The following CNTNAP1 variants were observed in gnomAD, a reference collection of about 807,000 sequenced individuals.
CNTNAP1 encodes the protein contactin-associated protein 1.
A neutral mutation model predicts 161.5 loss-of-function variants in CNTNAP1; 80 were observed. The observed-to-expected ratio is 0.50, with a 90% CI of 0.41 to 0.60. The LOEUF (loss-of-function observed/expected upper bound fraction) is 0.60, where lower values mean the gene tolerates loss of function less well. CNTNAP1 is among the 20% of genes least tolerant of loss of function. The pLI is 0.00. For missense variants in CNTNAP1, 1,464 were observed against 1,854.8 expected (o/e 0.79, Z 3.87); for synonymous variants, 695 against 733.1 (o/e 0.95, Z 0.84).
chr17:42,699,113 T>G lies in CNTNAP1; in HGVS notation c.*203T>G. On this transcript the variant is annotated 3_prime_UTR_variant, in exon 24 of 24. Transcript: ENST00000264638. ...GGCCGAGCCTCACTGCCTAAACCAA[T>G]GCCCTTCTCATCCCTGTTTCCCCAG... 6.8e-6 allele frequency: 3 copies of G among 443,864 alleles called. No homozygotes were observed. The highest frequency in any genetic ancestry group is 1.2e-5 in the Non-Finnish European group (3 of 253,054). The allele number at this position is 443,864 out of a possible 1,614,324, so 27.5% of individuals were successfully genotyped here. A position where few individuals can be genotyped will look rare whatever the true frequency, so the allele number is the denominator to read the frequency against.
chr17:42,696,218 A>G, intron 20 of CNTNAP1, 66 bp downstream of exon 20: 2 of 1,579,922 alleles, frequency 1.3e-6, no homozygotes, highest in Non-Finnish European at 1.7e-6. Flanking sequence ...GGCATCCAGG[A>G]AAACATCAAA....
chr17:42,692,687 A>G lies in CNTNAP1; in HGVS notation c.2719A>G (p.Ile907Val). The G allele has an allele frequency of 6.2e-7, 1 of 1,613,944 alleles. No individual in the cohort carries two copies. Among genetic ancestry groups the G allele is most frequent in the Non-Finnish European group, 8.5e-7 (1 of 1,179,894 alleles). The stretch of plus-strand genomic sequence containing the variant: ...GCGGCCTATGCCACTGCAGACCTAC[A>G]TCTGGATGGAGTATGACCAGCCCCT... ...VLRPMPLQTYIWMEYDQPLYV... is the reference protein window; with the variant it reads ...VLRPMPLQTYVWMEYDQPLYV... Residue 907 changes from isoleucine to valine, a missense_variant, in exon 17 of 24, where the codon ATC becomes GTC. Ile to Val is a conservative substitution (Grantham distance 29, BLOSUM62 3). Around this residue, in one of 3 missense-constraint regions of CNTNAP1, gnomAD observed 1,383 missense variants for 1,765.0 expected, o/e 0.78. Coordinates refer to ENST00000264638, the MANE Select transcript of CNTNAP1 (RefSeq NM_003632.3).
chr17:42,696,788 C>T (rs1319105646), intron 20 of CNTNAP1, among the ~76,000 whole-genome samples: 1 of 152,008 alleles, frequency 6.6e-6, no homozygotes, highest in Non-Finnish European at 1.5e-5. Flanking sequence ...GCCTAGGCGA[C>T]AGAGTGAGAC....
Position 42,697,727 on chromosome 17 carries a change from T to C in CNTNAP1, c.3742T>C (p.Ser1248Pro). The change falls in exon 22 of 24, where the codon TCT (serine) becomes CCT (proline). Residue 1248 changes from serine to proline, a missense_variant. Ser to Pro is a moderately conservative substitution (Grantham distance 74). This residue lies in a region of CNTNAP1 where 1,383 missense variants were observed against 1,765.0 expected (regional missense o/e 0.78). Coordinates refer to ENST00000264638, the MANE Select transcript of CNTNAP1 (RefSeq NM_003632.3). ...ALRVQGELSE[S>P]NCGAMPRLVS... Reference sequence around the variant, plus strand: ...TCGAGTTCAGGGAGAACTGTCCGAATCTAATTGCGGAGCTATGCCACGTCT... The same window carrying C: ...TCGAGTTCAGGGAGAACTGTCCGAACCTAATTGCGGAGCTATGCCACGTCT... The C allele has an allele frequency of 1.2e-6, 2 of 1,614,094 alleles. No homozygotes were observed. Among genetic ancestry groups the C allele is most frequent in the Non-Finnish European group, 1.7e-6 (2 of 1,180,020 alleles).
chr17:42,689,689 G>A (rs1310180467), intron 11 of CNTNAP1, 62 bp downstream of exon 11: 5 of 1,367,068 alleles, frequency 3.7e-6, no homozygotes, highest in Admixed American at 1.7e-5. Context: ...GGTTGCTGGG[G>A]ATCATCAGGC....
intron 8 of CNTNAP1, 50 bp from the exon 9 acceptor site, chr17:42,688,412 A>G (rs774339395): frequency 1.2e-5 from 19 of 1,612,952 alleles, no homozygotes. Context: ...ACATTCTTCT[A>G]CCCTAGTTGC....
Position 42,698,674 on chromosome 17 carries a change from CA to C in CNTNAP1, c.3923del (p.Asn1308IlefsTer171). 1 of 1,610,800 alleles carries C rather than the reference CA, an allele frequency of 6.2e-7. No individual in the cohort carries two copies. Among genetic ancestry groups the C allele is most frequent in the Non-Finnish European group, 8.5e-7 (1 of 1,177,736 alleles). ...LVGMLVLFYLQNHRYKGSYHT... is the reference protein window; with the variant it reads ...LVGMLVLFYLXNHRYKGSYHT... ...GGGAATGTTGGTGCTCTTCTATCTG[CA>C]AAATCATCGCTATAAGGGCTCCTAC... On this transcript the variant is annotated frameshift_variant, in exon 24 of 24. Transcript: ENST00000264638. LOFTEE classifies it high-confidence loss of function.
chr17:42,697,586 T>A lies in CNTNAP1; in HGVS notation c.3601T>A (p.Tyr1201Asn). The change falls in exon 22 of 24, where the codon TAC becomes AAC. Residue 1201 changes from tyrosine (Y) to asparagine (N), a missense_variant. Coordinates refer to ENST00000264638, the MANE Select transcript of CNTNAP1 (RefSeq NM_003632.3). ...AGTCATTGACCCGGAGATCCAGCGC[T>A]ACAACACCCCAGGTTTCTCAGGCTG... ...TGVIDPEIQR[Y>N]NTPGFSGCLS... 1.2e-6 allele frequency: 2 copies of A among 1,614,070 alleles called. No individual in the cohort carries two copies. Among genetic ancestry groups the A allele is most frequent in the Non-Finnish European group, 1.7e-6 (2 of 1,180,014 alleles).
In CNTNAP1 at chr17:42,692,665, G is replaced by A. The variant is rs763786374; in HGVS notation, c.2697G>A (p.Arg899=). The change falls in exon 17 of 24, where the codon CGG becomes CGA. Residue 899 remains arginine (R), a synonymous_variant. Transcript: ENST00000264638. The part of the protein sequence containing the change: ...LRVDHRPWVL[R]PMPLQTYIWM... Reference sequence around the variant, plus strand: ...TGGATCACCGGCCCTGGGTTCTGCGGCCTATGCCACTGCAGACCTACATCT... The same window carrying A: ...TGGATCACCGGCCCTGGGTTCTGCGACCTATGCCACTGCAGACCTACATCT... The A allele has an allele frequency of 1.2e-6, 2 of 1,614,184 alleles. No individual in the cohort carries two copies. Among genetic ancestry groups the A allele is most frequent in the Non-Finnish European group, 1.7e-6 (2 of 1,180,032 alleles).
In CNTNAP1 at chr17:42,687,116, AAG is replaced by A; in HGVS notation, c.1044+74_1044+75del. ...GTGGAAAGCAAAGAGGTGGAGCGGG[AAG>A]AGATATTGAACATCAGATAAAAGCG... On this transcript the variant is annotated intron_variant, in intron 7 of 23. Transcript: ENST00000264638. The surrounding 1 kb of genome is among the most constrained non-coding windows in gnomAD (Gnocchi z 4.7). 6.4e-7 allele frequency: 1 copy of A among 1,562,760 alleles called. No individual in the cohort carries two copies. The highest frequency in any genetic ancestry group is 8.7e-7 in the Non-Finnish European group (1 of 1,146,280).
Position 42,691,735 on chromosome 17 carries a change from C to CA in CNTNAP1, c.2345-69dup. Reference sequence around the variant, plus strand: ...CCCTTTGCCCAACCTTCCCTGCCCCCAACCCCAGGTTCTCTTCCTCCTCCA... The same window carrying CA: ...CCCTTTGCCCAACCTTCCCTGCCCCCAAACCCCAGGTTCTCTTCCTCCTCCA... On this transcript the variant is annotated intron_variant, in intron 15 of 23. Coordinates refer to ENST00000264638, the MANE Select transcript of CNTNAP1 (RefSeq NM_003632.3). The surrounding 1 kb of genome is among the most constrained non-coding windows in gnomAD (Gnocchi z 4.3). 1 of 1,536,618 alleles carries CA rather than the reference C, an allele frequency of 6.5e-7. No homozygotes were observed. Among genetic ancestry groups the CA allele is most frequent in the East Asian group, 2.3e-5 (1 of 44,312 alleles).
intron 18 of CNTNAP1, among the ~76,000 whole-genome samples, chr17:42,694,731 AAAACATG>A (rs1276486334): frequency 2.0e-5 from 3 of 152,146 alleles, no homozygotes; most frequent in Non-Finnish European, 2.9e-5. Context: ...CTGCATTCCT[AAAACATG>A]TCAATGACCC....
At chr17:42,686,408 T>G (rs2053009094) in intron 6 of CNTNAP1, among the ~76,000 whole-genome samples, 1 of 151,234 alleles carries the variant, frequency 6.6e-6, no homozygotes, top group South Asian at 2.1e-4. Flanking sequence ...AGACCTCGCA[T>G]TCCAATTCCT....
At position 42,687,064 on chromosome 17, in the gene CNTNAP1, T is replaced by A. The variant is rs1469280865; in HGVS notation, c.1044+18T>A. On this transcript the variant is annotated intron_variant, in intron 7 of 23. Transcript: ENST00000264638. This position sits in a 1 kb window ranked among gnomAD's most constrained non-coding sequence, Gnocchi z 4.7. ...CCTTCGAGGCCAGTGGGCAGGGGGG[T>A]CTGGGAGGACAGGATATCAAAGCGT... 2.5e-6 allele frequency: 4 copies of A among 1,602,250 alleles called. No homozygotes were observed. The highest frequency in any genetic ancestry group is 3.4e-4 in the Middle Eastern group (2 of 5,906).
chr17:42,691,661 C>T lies in CNTNAP1; in HGVS notation c.2345-145C>T. ...TCTCATTACCCCTCTGCACCTGGCT[C>T]CTCTTTCATTCCACTCCTTAGTCTC... is the stretch of plus-strand genomic sequence containing the variant. On this transcript the variant is annotated intron_variant, in intron 15 of 23. Coordinates refer to ENST00000264638, the MANE Select transcript of CNTNAP1 (RefSeq NM_003632.3). The surrounding 1 kb of genome is among the most constrained non-coding windows in gnomAD (Gnocchi z 4.3). 2 of 1,366,034 alleles carry T rather than the reference C, an allele frequency of 1.5e-6. No individual in the cohort carries two copies. Among genetic ancestry groups the T allele is most frequent in the Non-Finnish European group, 2.0e-6 (2 of 982,372 alleles). The allele number at this position is 1,366,034 out of a possible 1,614,324, so 84.6% of individuals were successfully genotyped here.
rs753095573 is a variant in CNTNAP1, at chr17:42,686,107, A to G, written c.866A>G (p.Asn289Ser). ...LDGYVQRFILNGDFERLNLDT... is the reference protein window; with the variant it reads ...LDGYVQRFILSGDFERLNLDT... ...GGCTATGTGCAGCGCTTTATTCTCAATGGAGACTTCGAGAGGCTGAACCTG... is the reference window on the plus strand; with the variant it reads ...GGCTATGTGCAGCGCTTTATTCTCAGTGGAGACTTCGAGAGGCTGAACCTG... Residue 289 changes from asparagine (N) to serine (S), a missense_variant, in exon 6 of 24, where the codon AAT (asparagine) becomes AGT (serine). By Grantham distance (46) the Asn-to-Ser change is conservative. This residue lies in a region of CNTNAP1 where 1,383 missense variants were observed against 1,765.0 expected (regional missense o/e 0.78). Coordinates refer to ENST00000264638, the MANE Select transcript of CNTNAP1 (RefSeq NM_003632.3). The G allele has an allele frequency of 6.8e-6, 11 of 1,614,030 alleles. No individual in the cohort carries two copies. The highest frequency in any genetic ancestry group is 2.7e-5 in the African/African-American group (2 of 74,908).
In CNTNAP1 at chr17:42,691,166, C is replaced by T; in HGVS notation, c.2089C>T (p.Arg697Ter). 5 of 1,614,128 alleles carry T rather than the reference C, an allele frequency of 3.1e-6. No homozygotes were observed. Among genetic ancestry groups the T allele is most frequent in the South Asian group, 1.1e-5 (1 of 91,074 alleles). The change falls in exon 14 of 24, where the codon CGA becomes TGA. Residue 697 changes from arginine to a stop codon, truncating the protein, a stop_gained. Transcript: ENST00000264638. LOFTEE classifies it high-confidence loss of function. This position sits in a 1 kb window ranked among gnomAD's most constrained non-coding sequence, Gnocchi z 4.3. ...CTACCCCTACAGCTTTTGGATTGGC[C>T]GAAATGAGGAGCAGCACTTCTACTG... The part of the protein sequence containing the change: ...GGYPYSFWIG[R>*]NEEQHFYWGG...
At chr17:42,692,454 T>C in intron 16 of CNTNAP1, 45 bp from the exon 17 acceptor site, 8 of 1,519,976 alleles carry the variant, frequency 5.3e-6, no homozygotes, top group Non-Finnish European at 7.3e-6. Flanking sequence ...AAGGGTCTTG[T>C]AGGTCTGAGT....
chr17:42,698,631 T>C lies in CNTNAP1; in HGVS notation c.3876T>C (p.Phe1292=). Residue 1292 remains phenylalanine (F), a synonymous_variant, in exon 24 of 24, where the codon TTT becomes TTC. Coordinates refer to ENST00000264638, the MANE Select transcript of CNTNAP1 (RefSeq NM_003632.3). ...VAILLGFLVA[F]LLLGLVGMLV... is the part of the protein sequence containing the mutation. ...TCTTCTTTTCAGTTTTGGTGGCCTTTCTGCTGCTGGGGCTGGTGGGAATGT... is the reference window on the plus strand; with the variant it reads ...TCTTCTTTTCAGTTTTGGTGGCCTTCCTGCTGCTGGGGCTGGTGGGAATGT... 6.3e-7 allele frequency: 1 copy of C among 1,598,118 alleles called. No individual in the cohort carries two copies. Among genetic ancestry groups the C allele is most frequent in the Non-Finnish European group, 8.6e-7 (1 of 1,168,266 alleles).
Sources: gnomAD v4.1 joint callset for allele counts (sites outside exome capture counted in the v4.1 genomes callset) on GRCh38, gnomAD v4.1.1 for gene constraint, gnomAD v4.1.1 regional missense constraint, Gnocchi (gnomAD v3.1) non-coding constraint, MANE v1.5 for transcripts, NCBI Gene and HGNC (gene_info 2026-07-23, HGNC 2026-07-21) for gene names.